Variants in VWC2L observed in about 807,000 individuals in gnomAD.
VWC2L encodes the protein von Willebrand factor C domain-containing protein 2-like.
A neutral mutation model predicts 21.6 loss-of-function variants in VWC2L; 10 were observed. The observed-to-expected ratio is 0.46, with a 90% confidence interval of 0.29 to 0.78. The LOEUF is 0.78. Ranked by LOEUF, VWC2L falls within the 30% of genes least tolerant of loss-of-function variation. VWC2L has a pLI of 0.10. For missense variants in VWC2L, 209 were observed against 277.1 expected (o/e 0.75, Z 1.74); for synonymous variants, 96 against 94.3 (o/e 1.02, Z -0.10).
intron 3 of VWC2L, among the ~76,000 whole-genome samples, chr2:214,460,243 T>A (rs1352852929): frequency 6.6e-6 from 1 of 152,196 alleles, no homozygotes; most frequent in Non-Finnish European, 1.5e-5. Context: ...GCCTTGGAAA[T>A]CTTTTTGAAT....
chr2:214,462,687 G>C (rs1703160474), intron 3 of VWC2L, among the ~76,000 whole-genome samples: 1 of 151,932 alleles, frequency 6.6e-6, no homozygotes, highest in Admixed American at 6.6e-5. Flanking sequence ...ACCTACTTTG[G>C]GTTTAATTTC....
intron 3 of VWC2L, among the ~76,000 whole-genome samples, chr2:214,513,699 G>A (rs370124134): frequency 2.6e-5 from 4 of 151,924 alleles, no homozygotes; most frequent in South Asian, 2.1e-4. Context: ...TGGTTCTATC[G>A]AGCCATCTCT....
intron 3 of VWC2L, among the ~76,000 whole-genome samples, chr2:214,527,478 G>A (rs1475740923): frequency 6.6e-6 from 1 of 152,126 alleles, no homozygotes; most frequent in Non-Finnish European, 1.5e-5. Context: ...AACTAATGAT[G>A]TGGCCTGCTG....
chr2:214,514,219 C>T (rs1344786224), intron 3 of VWC2L, among the ~76,000 whole-genome samples: 1 of 151,156 alleles, frequency 6.6e-6, no homozygotes, highest in Non-Finnish European at 1.5e-5. Flanking sequence ...AGTCTCCCAA[C>T]TAAAATCATC....
intron 3 of VWC2L, among the ~76,000 whole-genome samples, chr2:214,498,983 C>T (rs1412477119): frequency 6.8e-6 from 1 of 146,364 alleles, no homozygotes; most frequent in African/African-American, 2.6e-5. Context: ...CCTTCATATG[C>T]CTTCTGAGGC....
chr2:214,554,964 C>T (rs1490423864), intron 3 of VWC2L, among the ~76,000 whole-genome samples: 1 of 152,140 alleles, frequency 6.6e-6, no homozygotes, highest in Non-Finnish European at 1.5e-5. Context: ...TTTTCCTGAT[C>T]CAGGAAAGGT....
intron 3 of VWC2L, among the ~76,000 whole-genome samples, chr2:214,444,636 C>T (rs1702812807): frequency 6.6e-6 from 1 of 151,776 alleles, no homozygotes; most frequent in Admixed American, 6.6e-5. Context: ...AACCTACCAG[C>T]TGTATTAATA....
At position 214,570,659 on chromosome 2, in the gene VWC2L, G is replaced by A. The variant is rs116141289; in HGVS notation, c.521-5013G>A. On this transcript the variant is annotated intron_variant, in intron 3 of 3. Coordinates refer to ENST00000312504, the MANE Select transcript of VWC2L (RefSeq NM_001080500.4). ...ATTACAGGCGTGAGCCACCATGCCC[G>A]GCAGGGAAAATTACTTAGGTGTTTC... 5.7e-3 allele frequency among the ~76,000 whole-genome samples: 864 copies of A among 151,736 alleles called. 10 individuals are homozygous for A. Among genetic ancestry groups the A allele is most frequent in the African/African-American group, 0.02 (823 of 41,236 alleles).
chr2:214,521,053 C>T lies in VWC2L; in HGVS notation c.521-54619C>T, dbSNP rs544135259. Among the ~76,000 whole-genome samples, 16 of 151,834 alleles carry T rather than the reference C, an allele frequency of 1.1e-4. No individual in the cohort carries two copies. The South Asian group carries it at 3.1e-3, about 30-fold the overall frequency. ...CCTGACTAACACGGTGAAACCCCATCTCTACTAAACAAATACAAAAAATTA... is the reference window on the plus strand; with the variant it reads ...CCTGACTAACACGGTGAAACCCCATTTCTACTAAACAAATACAAAAAATTA... On this transcript the variant is annotated intron_variant, in intron 3 of 3. Transcript: ENST00000312504.
At chr2:214,434,891 C>A (rs1702655759) in intron 2 of VWC2L, among the ~76,000 whole-genome samples, 1 of 152,134 alleles carries the variant, frequency 6.6e-6, no homozygotes, top group South Asian at 2.1e-4. Context: ...CCAGCCCTTC[C>A]TTCAACAAGA....
At chr2:214,493,503 T>A (rs2126202090) in intron 3 of VWC2L, among the ~76,000 whole-genome samples, 1 of 152,326 alleles carries the variant, frequency 6.6e-6, no homozygotes, top group Non-Finnish European at 1.5e-5. Context: ...CTTTTCTCTC[T>A]ATTCCTTTGC....
chr2:214,483,126 A>G (rs1688629575), intron 3 of VWC2L, among the ~76,000 whole-genome samples: 1 of 152,196 alleles, frequency 6.6e-6, no homozygotes, highest in Admixed American at 6.5e-5. Flanking sequence ...GTTGTTTAGC[A>G]TGTCATGTAA....
intron 3 of VWC2L, among the ~76,000 whole-genome samples, chr2:214,462,273 C>G (rs1703155232): frequency 1.3e-5 from 2 of 152,212 alleles, no homozygotes; most frequent in African/African-American, 2.4e-5. Context: ...GCTAGCATCA[C>G]AAGAGTCCAC....
intron 3 of VWC2L, among the ~76,000 whole-genome samples, chr2:214,474,845 A>G (rs13031969): frequency 0.19 from 28,220 of 152,110 alleles, 3,338 homozygotes; most frequent in Admixed American, 0.32. Flanking sequence ...TATTGTGTCT[A>G]TTATCAGGGA....
At chr2:214,479,033 CAA>C (rs1337530591) in intron 3 of VWC2L, among the ~76,000 whole-genome samples, 1 of 152,192 alleles carries the variant, frequency 6.6e-6, no homozygotes, top group Non-Finnish European at 1.5e-5. Context: ...GCTATTTCCT[CAA>C]AAGTCTCTTC....
intron 3 of VWC2L, among the ~76,000 whole-genome samples, chr2:214,437,053 T>C (rs1025665223): frequency 6.6e-6 from 1 of 152,274 alleles, no homozygotes; most frequent in East Asian, 1.9e-4. Flanking sequence ...ACCATCCTTT[T>C]GTAGTGACTG....
In VWC2L at chr2:214,451,312, G is replaced by GA. The variant is rs772341455; in HGVS notation, c.520+14554_520+14555insA. ...GGAAGGATAAGTGGGTCGGTGTGGG[G>GA]GGGGGGGGCAGTAAAAGCTGAAATA... On this transcript the variant is annotated intron_variant, in intron 3 of 3. Coordinates refer to ENST00000312504, the MANE Select transcript of VWC2L (RefSeq NM_001080500.4). Among the ~76,000 whole-genome samples, 1,367 of 150,604 alleles carry GA rather than the reference G, an allele frequency of 9.1e-3. 34 individuals are homozygous for GA. The highest frequency in any genetic ancestry group is 0.014 in the Non-Finnish European group (950 of 67,496).
chr2:214,503,430 G>A (rs767727901), intron 3 of VWC2L, among the ~76,000 whole-genome samples: 1 of 151,930 alleles, frequency 6.6e-6, no homozygotes, highest in Non-Finnish European at 1.5e-5. Flanking sequence ...TGATACCAAG[G>A]CCATAGTAAA....
Position 214,419,524 on chromosome 2 carries a change from C to T in VWC2L, c.390+4941C>T, listed in dbSNP as rs1392976054. ...AGGTCATACACTGAAGGTTATACTA[C>T]ATGTAGCTGAAAGAAACCTTTCAGC... On this transcript the variant is annotated intron_variant, in intron 2 of 3. Transcript: ENST00000312504. 3.3e-5 allele frequency among the ~76,000 whole-genome samples: 5 copies of T among 152,310 alleles called. No individual in the cohort carries two copies. The East Asian group carries it at 7.7e-4, about 24-fold the overall frequency.
Sources: gnomAD v4.1 joint callset for allele counts (sites outside exome capture counted in the v4.1 genomes callset) on GRCh38, gnomAD v4.1.1 for gene constraint, MANE v1.5 for transcripts, NCBI Gene and HGNC (gene_info 2026-07-23, HGNC 2026-07-21) for gene names.